YTHDF2: variants seen among roughly 807,000 people sequenced by gnomAD.
YTHDF2 encodes the protein YTH N6-methyladenosine RNA binding protein F2.
Under a neutral mutation model 50.4 loss-of-function variants are expected in YTHDF2, and 2 were observed. The ratio of observed to expected loss-of-function variants is 0.04; its 90% confidence interval spans 0.02 to 0.12. The LOEUF (loss-of-function observed/expected upper bound fraction) is 0.12. YTHDF2 is among the 10% of genes least tolerant of loss of function. The pLI is 1.00. For synonymous variants in YTHDF2, 217 were observed against 255.6 expected (o/e 0.85, Z 1.44); for missense variants, 483 against 722.6 (o/e 0.67, Z 3.80).
At chr1:28,746,645 A>G (rs1315557645) in intron 4 of YTHDF2, among the ~76,000 whole-genome samples, 1 of 151,846 alleles carries the variant, frequency 6.6e-6, no homozygotes, top group Non-Finnish European at 1.5e-5. Flanking sequence ...CTGTGATCCC[A>G]ACTACTTGGG....
chr1:28,759,578 C>T (rs577352421), intron 4 of YTHDF2, among the ~76,000 whole-genome samples: 4 of 152,096 alleles, frequency 2.6e-5, no homozygotes, highest in Non-Finnish European at 4.4e-5. Context: ...AGCATGTTAC[C>T]GTACTGAATA....
chr1:28,737,700 G>C lies in YTHDF2; in HGVS notation c.52+18G>C. 1 of 1,613,358 alleles carries C rather than the reference G, an allele frequency of 6.2e-7. No homozygotes were observed. The highest frequency in any genetic ancestry group is 8.5e-7 in the Non-Finnish European group (1 of 1,179,752). On this transcript the variant is annotated intron_variant, in intron 2 of 4. Transcript: ENST00000373812. ...AAACAAAGGTAAGTCCCGCTCCGCC[G>C]GTGGCCCTGAGCCGGGAGGGGGACG...
upstream of YTHDF2, chr1:28,736,829 A>G (rs369021411): frequency 2.6e-6 from 1 of 388,454 alleles, no homozygotes. Context: ...TGTGAGAGTC[A>G]GCGCTCGCGC....
At chr1:28,739,939 C>T (rs1408791689) in intron 3 of YTHDF2, among the ~76,000 whole-genome samples, 1 of 152,036 alleles carries the variant, frequency 6.6e-6, no homozygotes, top group Non-Finnish European at 1.5e-5. Context: ...TCCAAAATGC[C>T]CTGAAAGGTC....
chr1:28,746,521 C>G (rs1052176686), intron 4 of YTHDF2, among the ~76,000 whole-genome samples: 10 of 151,008 alleles, frequency 6.6e-5, no homozygotes, highest in African/African-American at 2.4e-4. Flanking sequence ...GGGCCGATCA[C>G]TTGAGGTCAG....
At chr1:28,759,643 G>A (rs1404252558) in intron 4 of YTHDF2, among the ~76,000 whole-genome samples, 1 of 152,120 alleles carries the variant, frequency 6.6e-6, no homozygotes, top group Non-Finnish European at 1.5e-5. Context: ...CACAGAAAAT[G>A]TACATTAAAA....
chr1:28,761,655 T>C (rs553260464), intron 4 of YTHDF2, among the ~76,000 whole-genome samples: 1 of 152,150 alleles, frequency 6.6e-6, no homozygotes, highest in South Asian at 2.1e-4. Flanking sequence ...AAGAATCGCT[T>C]GAACCCGGGA....
At position 28,743,437 on chromosome 1, in the gene YTHDF2, G is replaced by A; in HGVS notation, c.1167G>A (p.Leu389=). 6.2e-7 allele frequency: 1 copy of A among 1,614,144 alleles called. No homozygotes were observed. Among genetic ancestry groups the A allele is most frequent in the South Asian group, 1.1e-5 (1 of 91,082 alleles). ...GSTPSEPHPV[L]EKLRSINNYN... ...CTCCTTCAGAACCCCACCCAGTGTT[G>A]GAGAAGCTTCGGTCCATTAATAACT... Residue 389 remains leucine, a synonymous_variant, in exon 4 of 5, where the codon TTG becomes TTA. Coordinates refer to ENST00000373812, the MANE Select transcript of YTHDF2 (RefSeq NM_016258.3). This position sits in a 1 kb window ranked among gnomAD's most constrained non-coding sequence, Gnocchi z 6.9.
intron 4 of YTHDF2, among the ~76,000 whole-genome samples, chr1:28,754,599 A>T (rs978472907): frequency 2.0e-5 from 3 of 151,680 alleles, no homozygotes; most frequent in Non-Finnish European, 4.4e-5. Context: ...TGAGGTGGGT[A>T]GTTCGCAAGG....
chr1:28,751,631 T>C (rs2087954202), intron 4 of YTHDF2, among the ~76,000 whole-genome samples: 1 of 152,302 alleles, frequency 6.6e-6, no homozygotes, highest in East Asian at 1.9e-4. Context: ...TAGAAGAGAA[T>C]AGATAACATT....
intron 1 of YTHDF2, chr1:28,737,421 T>TA (rs2087710532): frequency 3.1e-6 from 2 of 641,242 alleles, no homozygotes; most frequent in Admixed American, 3.4e-5. Context: ...TCCCCTTCCT[T>TA]AAAGCCCTGG....
At position 28,737,073 on chromosome 1, in the gene YTHDF2, C is replaced by G; in HGVS notation, c.-48C>G. 1 of 1,570,890 alleles carries G rather than the reference C, an allele frequency of 6.4e-7. No individual in the cohort carries two copies. Among genetic ancestry groups the G allele is most frequent in the Non-Finnish European group, 8.6e-7 (1 of 1,160,066 alleles). ...CGGGGCTCATCTGCCGCCGCCGCCG[C>G]GCTGAGGAGAGTTCGCCGCCGTCGC... On this transcript the variant is annotated 5_prime_UTR_variant, in exon 1 of 5. Transcript: ENST00000373812.
intron 4 of YTHDF2, among the ~76,000 whole-genome samples, chr1:28,761,127 GTGTA>G (rs1240299713): frequency 3.3e-5 from 2 of 59,960 alleles, no homozygotes; most frequent in African/African-American, 2.1e-4. Flanking sequence ...GTGTGTGTGT[GTGTA>G]TTTTTTTTTT....
chr1:28,736,781 G>A, upstream of YTHDF2: 1 of 318,920 alleles, frequency 3.1e-6, no homozygotes, highest in South Asian at 3.8e-5. Flanking sequence ...CCTTCCCGGG[G>A]TTCTTCGCGC....
Position 28,736,970 on chromosome 1 carries a change from A to G in YTHDF2, c.-151A>G. ...GTCGCCGAGTCGGAGCCGGAGCCTG[A>G]GCCGCGCGCTGTGTCTCCGCTGCGT... is the stretch of plus-strand genomic sequence containing the variant. On this transcript the variant is annotated 5_prime_UTR_variant, in exon 1 of 5. Coordinates refer to ENST00000373812, the MANE Select transcript of YTHDF2 (RefSeq NM_016258.3). The G allele has an allele frequency of 1.0e-6, 1 of 961,754 alleles. No individual in the cohort carries two copies. Among genetic ancestry groups the G allele is most frequent in the Non-Finnish European group, 1.5e-6 (1 of 653,490 alleles). The allele number at this position is 961,754 out of a possible 1,614,324, so 59.6% of individuals were successfully genotyped here.
intron 3 of YTHDF2, chr1:28,739,251 GTCTT>G (rs1295398791): frequency 2.0e-5 from 3 of 151,550 alleles, no homozygotes; most frequent in Non-Finnish European, 4.4e-5. Flanking sequence ...AGGACTGGCT[GTCTT>G]TCTTTTCTCT....
intron 4 of YTHDF2, among the ~76,000 whole-genome samples, chr1:28,765,586 G>A (rs562088806): frequency 9.9e-5 from 15 of 151,862 alleles, no homozygotes; most frequent in South Asian, 4.2e-4. Flanking sequence ...TTACAGGCAC[G>A]CACCACCACA....
intron 4 of YTHDF2, among the ~76,000 whole-genome samples, chr1:28,749,216 C>CA (rs1292327030): frequency 7.9e-6 from 1 of 127,090 alleles, no homozygotes; most frequent in Non-Finnish European, 1.6e-5. Context: ...ACGGGAGTCT[C>CA]AGTCTCGCTC....
chr1:28,742,264 G>A, intron 3 of YTHDF2, 139 bp from the exon 4 acceptor site: 1 of 1,094,894 alleles, frequency 9.1e-7, no homozygotes, highest in Non-Finnish European at 1.3e-6. Flanking sequence ...CAAAGTGTAG[G>A]GATTACAGGT....
Sources: allele counts gnomAD v4.1 joint callset (sites outside exome capture counted in the v4.1 genomes callset), GRCh38; gene constraint gnomAD v4.1.1; non-coding constraint Gnocchi (gnomAD v3.1); transcripts MANE v1.5; gene names NCBI Gene and HGNC (gene_info 2026-07-23, HGNC 2026-07-21).